CSMD1: variants seen among roughly 807,000 people sequenced by gnomAD.
CSMD1 encodes the protein CUB and sushi domain-containing protein 1.
CSMD1 carries 213 observed loss-of-function variants against 417.5 expected under a neutral mutation model. The observed-to-expected ratio is 0.51, with a 90% CI of 0.46 to 0.57. CSMD1 has a LOEUF of 0.57. Among genes scored for constraint, CSMD1 ranks in the 20% least tolerant of loss-of-function variants. The probability of loss-of-function intolerance (pLI) is 0.00; values close to 1 mark genes in which losing one functional copy is unlikely to be tolerated. For synonymous variants in CSMD1, 2,862 were observed against 1,736.8 expected (o/e 1.65, Z -16.11); for missense variants, 6,923 against 4,529.7 (o/e 1.53, Z -15.17).
intron 5 of CSMD1, among the ~76,000 whole-genome samples, chr8:3,913,438 C>T (rs961869435): frequency 6.6e-6 from 1 of 152,048 alleles, no homozygotes; most frequent in Non-Finnish European, 1.5e-5. Context: ...AAGCAACCAG[C>T]GAAGGGAAAT....
chr8:2,970,892 C>T (rs1804401431), intron 57 of CSMD1, among the ~76,000 whole-genome samples: 2 of 152,296 alleles, frequency 1.3e-5, no homozygotes, highest in Middle Eastern at 3.4e-3. Flanking sequence ...GTTATAACTA[C>T]AGGATTAAAC....
intron 31 of CSMD1, among the ~76,000 whole-genome samples, chr8:3,204,938 TC>T (rs1461290636): frequency 6.6e-6 from 1 of 152,262 alleles, no homozygotes; most frequent in African/African-American, 2.4e-5. Context: ...GGAAGGCCCT[TC>T]TGGAAATGAA....
chr8:4,888,693 A>G (rs941711460), intron 1 of CSMD1, among the ~76,000 whole-genome samples: 1 of 152,132 alleles, frequency 6.6e-6, no homozygotes, highest in African/African-American at 2.4e-5. Flanking sequence ...CCTTGAGGTA[A>G]TGACTCATTC....
chr8:4,009,743 T>C (rs1376093213), intron 4 of CSMD1, among the ~76,000 whole-genome samples: 1 of 151,964 alleles, frequency 6.6e-6, no homozygotes, highest in African/African-American at 2.4e-5. Flanking sequence ...CCACAGGCGC[T>C]CACTCCTCCA....
At chr8:4,310,137 C>G (rs1363285245) in intron 3 of CSMD1, among the ~76,000 whole-genome samples, 2 of 152,208 alleles carry the variant, frequency 1.3e-5, no homozygotes, top group African/African-American at 4.8e-5. Context: ...CTCCTAGTAA[C>G]TGCTTCACGT....
At chr8:4,665,592 T>C (rs1483836368) in intron 1 of CSMD1, among the ~76,000 whole-genome samples, 1 of 152,174 alleles carries the variant, frequency 6.6e-6, no homozygotes, top group Non-Finnish European at 1.5e-5. Context: ...TCCCAGGTCA[T>C]ATTAATAGAA....
intron 41 of CSMD1, among the ~76,000 whole-genome samples, chr8:3,141,977 T>G (rs1056828669): frequency 6.6e-5 from 10 of 152,056 alleles, no homozygotes; most frequent in African/African-American, 2.2e-4. Context: ...TTTGGTATTT[T>G]TAGTAGAGAC....
chr8:4,745,309 C>T (rs1810881455), intron 1 of CSMD1, among the ~76,000 whole-genome samples: 1 of 152,152 alleles, frequency 6.6e-6, no homozygotes, highest in African/African-American at 2.4e-5. Flanking sequence ...TAATGGATTA[C>T]ACTCTGGTTT....
At chr8:2,992,454 C>T (rs369966688) in intron 54 of CSMD1, among the ~76,000 whole-genome samples, 4 of 151,854 alleles carry the variant, frequency 2.6e-5, no homozygotes, top group East Asian at 1.9e-4. Flanking sequence ...AATGAAGTCT[C>T]GCTCTGTCAG....
At chr8:4,221,472 G>C (rs1801027726) in intron 3 of CSMD1, among the ~76,000 whole-genome samples, 1 of 152,016 alleles carries the variant, frequency 6.6e-6, no homozygotes, top group African/African-American at 2.4e-5. Context: ...AATTGATAAA[G>C]CTGAAATTTA....
intron 12 of CSMD1, among the ~76,000 whole-genome samples, chr8:3,463,011 A>G (rs1409277351): frequency 6.6e-6 from 1 of 152,226 alleles, no homozygotes; most frequent in East Asian, 1.9e-4. Flanking sequence ...ACACAGTGAG[A>G]AGGCGCCATC....
intron 4 of CSMD1, among the ~76,000 whole-genome samples, chr8:4,025,762 T>C (rs1175616132): frequency 6.6e-6 from 1 of 152,192 alleles, no homozygotes; most frequent in Non-Finnish European, 1.5e-5. Flanking sequence ...GTGATGTTTG[T>C]TCCCTGTTTA....
intron 1 of CSMD1, among the ~76,000 whole-genome samples, chr8:4,941,003 A>G (rs1807962069): frequency 6.6e-6 from 1 of 152,190 alleles, no homozygotes; most frequent in African/African-American, 2.4e-5. Flanking sequence ...AGAAAGAGCG[A>G]TTAATTTTGA....
intron 7 of CSMD1, among the ~76,000 whole-genome samples, chr8:3,675,427 T>C (rs906368075): frequency 8.5e-5 from 13 of 152,238 alleles, no homozygotes; most frequent in African/African-American, 2.9e-4. Flanking sequence ...AAAGGAAGTC[T>C]TCTGGATGGA....
At chr8:4,153,191 C>G (rs1025737464) in intron 3 of CSMD1, among the ~76,000 whole-genome samples, 1 of 152,162 alleles carries the variant, frequency 6.6e-6, no homozygotes, top group African/African-American at 2.4e-5. Context: ...GAGCCCAGTT[C>G]CTGCTTTGCC....
intron 5 of CSMD1, among the ~76,000 whole-genome samples, chr8:3,973,893 G>A (rs189530423): frequency 1.6e-4 from 25 of 152,182 alleles, no homozygotes; most frequent in African/African-American, 5.3e-4. Context: ...TATATTGATG[G>A]GTTACATGAA....
At chr8:4,194,725 T>C (rs1799231153) in intron 3 of CSMD1, among the ~76,000 whole-genome samples, 1 of 152,060 alleles carries the variant, frequency 6.6e-6, no homozygotes, top group African/African-American at 2.4e-5. Context: ...CAAATTATGC[T>C]TAACAGATTT....
intron 1 of CSMD1, among the ~76,000 whole-genome samples, chr8:4,769,517 G>C (rs901540037): frequency 6.6e-6 from 1 of 152,110 alleles, no homozygotes; most frequent in Non-Finnish European, 1.5e-5. Context: ...GAAATACTTA[G>C]AATATTTTCT....
chr8:4,975,452 A>G (rs541017598), intron 1 of CSMD1, among the ~76,000 whole-genome samples: 1 of 152,318 alleles, frequency 6.6e-6, no homozygotes, highest in Admixed American at 6.5e-5. Context: ...GTATGTATTC[A>G]TCAATCTGAT....
Sources: gnomAD v4.1 joint callset for allele counts (sites outside exome capture counted in the v4.1 genomes callset) on GRCh38, gnomAD v4.1.1 for gene constraint, MANE v1.5 for transcripts, NCBI Gene and HGNC (gene_info 2026-07-23, HGNC 2026-07-21) for gene names.